ST6GALNAC3: variants seen among roughly 807,000 people sequenced by gnomAD.
ST6GALNAC3 encodes the protein alpha-N-acetylgalactosaminide alpha-2,6-sialyltransferase 3.
In ST6GALNAC3, 25 loss-of-function variants were observed where a neutral mutation model predicts 32.7. That is an observed-to-expected ratio of 0.76 (90% CI 0.56 to 1.07). The LOEUF (loss-of-function observed/expected upper bound fraction) is 1.07. ST6GALNAC3 is among the 50% of genes least tolerant of loss of function. The probability of loss-of-function intolerance (pLI) is 0.00; values close to 1 mark genes in which losing one functional copy is unlikely to be tolerated. For missense variants in ST6GALNAC3, 355 were observed against 382.4 expected (o/e 0.93, Z 0.60); for synonymous variants, 129 against 133.1 (o/e 0.97, Z 0.21).
chr1:76,354,277 C>T (rs1351360878), intron 2 of ST6GALNAC3: 2 of 152,320 alleles, frequency 1.3e-5, no homozygotes, highest in Non-Finnish European at 2.9e-5. Flanking sequence ...AGTCCTGTCT[C>T]TGTGGTTAGG....
chr1:76,097,044 A>G (rs577921288), intron 1 of ST6GALNAC3, among the ~76,000 whole-genome samples: 3 of 150,598 alleles, frequency 2.0e-5, no homozygotes, highest in Admixed American at 2.0e-4. Flanking sequence ...TCAGCCTCCC[A>G]AGTAGCTAGG....
At chr1:76,434,795 T>G (rs1161111851) in intron 3 of ST6GALNAC3, among the ~76,000 whole-genome samples, 3 of 142,956 alleles carry the variant, frequency 2.1e-5, no homozygotes, top group African/African-American at 5.2e-5. Flanking sequence ...TTTTTTTTTT[T>G]TTTTTTTTTT....
At chr1:76,575,874 G>A (rs1419279384) in intron 3 of ST6GALNAC3, among the ~76,000 whole-genome samples, 3 of 151,916 alleles carry the variant, frequency 2.0e-5, no homozygotes, top group Admixed American at 6.6e-5. Context: ...CTGTGTGTCA[G>A]ATCCCATATG....
intron 1 of ST6GALNAC3, among the ~76,000 whole-genome samples, chr1:76,277,000 G>A (rs955005964): frequency 3.9e-5 from 6 of 152,002 alleles, no homozygotes; most frequent in African/African-American, 1.4e-4. Context: ...TTGATTTTGT[G>A]TTGTTTTCAC....
intron 1 of ST6GALNAC3, among the ~76,000 whole-genome samples, chr1:76,182,491 T>C (rs1268398318): frequency 6.6e-6 from 1 of 152,206 alleles, no homozygotes. Flanking sequence ...TTTAGAGATA[T>C]GATTACCTAT....
intron 3 of ST6GALNAC3, among the ~76,000 whole-genome samples, chr1:76,535,343 A>G (rs966987865): frequency 2.0e-5 from 3 of 152,200 alleles, no homozygotes; most frequent in Admixed American, 2.0e-4. Flanking sequence ...AAACCAAACA[A>G]TACCAGGAAT....
In ST6GALNAC3 at chr1:76,521,458, A is replaced by G. The variant is rs114102546; in HGVS notation, c.624-105994A>G. On this transcript the variant is annotated intron_variant, in intron 3 of 4. Transcript: ENST00000328299. ...TATCTCAAAACTTCTGGGCTCAAGC[A>G]AACCCCCTGCCTTAGCTTCTTGAAT... Among the ~76,000 whole-genome samples, 940 of 152,242 alleles carry G rather than the reference A, an allele frequency of 6.2e-3. 17 individuals carry two copies. The highest frequency in any genetic ancestry group is 0.022 in the African/African-American group (901 of 41,546).
At chr1:76,406,399 C>T (rs1388765286) in intron 2 of ST6GALNAC3, among the ~76,000 whole-genome samples, 1 of 152,016 alleles carries the variant, frequency 6.6e-6, no homozygotes, top group Non-Finnish European at 1.5e-5. Flanking sequence ...GAATCTTTCA[C>T]TGCTGTTGTG....
chr1:76,272,052 G>A (rs1658874389), intron 1 of ST6GALNAC3, among the ~76,000 whole-genome samples: 1 of 152,014 alleles, frequency 6.6e-6, no homozygotes, highest in Admixed American at 6.6e-5. Context: ...TTAAAGCCGG[G>A]CGCGGTGGCT....
intron 2 of ST6GALNAC3, among the ~76,000 whole-genome samples, chr1:76,386,350 C>A (rs1652090075): frequency 6.6e-6 from 1 of 152,096 alleles, no homozygotes; most frequent in African/African-American, 2.4e-5. Context: ...ATCATAGGAA[C>A]CCCACAGGGT....
chr1:76,093,827 GTCTTT>G (rs1647084420), intron 1 of ST6GALNAC3, among the ~76,000 whole-genome samples: 2 of 152,122 alleles, frequency 1.3e-5, no homozygotes, highest in South Asian at 4.1e-4. Flanking sequence ...TCTTTGTCCT[GTCTTT>G]TCTTGACAAC....
At chr1:76,423,175 T>G (rs997140609) in intron 3 of ST6GALNAC3, among the ~76,000 whole-genome samples, 6 of 152,034 alleles carry the variant, frequency 3.9e-5, no homozygotes, top group African/African-American at 1.4e-4. Context: ...GTTTGACAAC[T>G]GCCATCATCA....
chr1:76,620,560 C>T (rs1234439370), intron 3 of ST6GALNAC3, among the ~76,000 whole-genome samples: 3 of 152,022 alleles, frequency 2.0e-5, no homozygotes, highest in Non-Finnish European at 4.4e-5. Flanking sequence ...GATGGCTGCC[C>T]TCTGGCTGTG....
intron 1 of ST6GALNAC3, among the ~76,000 whole-genome samples, chr1:76,288,695 T>G: frequency 6.6e-6 from 1 of 152,082 alleles, no homozygotes; most frequent in Non-Finnish European, 1.5e-5. Context: ...AGATTCAATT[T>G]TATTCTAAAA....
At chr1:76,365,492 A>G (rs1650295994) in intron 2 of ST6GALNAC3, among the ~76,000 whole-genome samples, 1 of 152,210 alleles carries the variant, frequency 6.6e-6, no homozygotes, top group Admixed American at 6.5e-5. Context: ...AACATTTCAA[A>G]TTTAACTTCT....
At chr1:76,453,964 G>A (rs926606137) in intron 3 of ST6GALNAC3, among the ~76,000 whole-genome samples, 7 of 152,076 alleles carry the variant, frequency 4.6e-5, no homozygotes, top group Admixed American at 4.6e-4. Context: ...GAGCTCCAGT[G>A]TCAGATGCAT....
At chr1:76,381,704 T>A (rs1003857905) in intron 2 of ST6GALNAC3, among the ~76,000 whole-genome samples, 1 of 152,192 alleles carries the variant, frequency 6.6e-6, no homozygotes, top group Non-Finnish European at 1.5e-5. Context: ...TATGCAATAC[T>A]TAGAAGAGGC....
At chr1:76,459,047 TG>T (rs1367487596) in intron 3 of ST6GALNAC3, among the ~76,000 whole-genome samples, 1 of 152,204 alleles carries the variant, frequency 6.6e-6, no homozygotes, top group Non-Finnish European at 1.5e-5. Context: ...GGAAGATATG[TG>T]TATTCCTTTT....
At chr1:76,610,809 C>A (rs2100666055) in intron 3 of ST6GALNAC3, among the ~76,000 whole-genome samples, 1 of 152,130 alleles carries the variant, frequency 6.6e-6, no homozygotes, top group Non-Finnish European at 1.5e-5. Flanking sequence ...AGGGTTTAGG[C>A]ATGAAAACAC....
Sources: allele counts gnomAD v4.1 joint callset (sites outside exome capture counted in the v4.1 genomes callset), GRCh38; gene constraint gnomAD v4.1.1; transcripts MANE v1.5; gene names NCBI Gene and HGNC (gene_info 2026-07-23, HGNC 2026-07-21).